SV2C: variants seen among roughly 807,000 people sequenced by gnomAD.
SV2C encodes the protein synaptic vesicle glycoprotein 2C, also known as solute carrier family 22 member B3.
SV2C carries 49 observed loss-of-function variants against 79.7 expected under a neutral mutation model. The ratio of observed to expected loss-of-function variants is 0.61; its 90% CI spans 0.49 to 0.78. SV2C has a LOEUF of 0.78. SV2C is among the 30% of genes least tolerant of loss of function. The pLI is 0.00. For synonymous variants in SV2C, 334 were observed against 333.2 expected, an observed-to-expected ratio of 1.00 and a Z score of -0.03; for missense variants, 833 against 912.9, an observed-to-expected ratio of 0.91 and a Z score of 1.13.
chr5:76,085,613 A>G (rs1392156476), intron 1 of SV2C, among the ~76,000 whole-genome samples: 1 of 152,176 alleles, frequency 6.6e-6, no homozygotes, highest in African/African-American at 2.4e-5. Context: ...GATGCTAGTC[A>G]CCATTTCCCC....
chr5:76,068,474 G>A, the SV2C span, among the ~76,000 whole-genome samples: 2 of 151,868 alleles, frequency 1.3e-5, no homozygotes, highest in South Asian at 4.2e-4. Context: ...TTGCATCTTC[G>A]TCCACACTTG....
At chr5:76,181,818 C>T (rs1029716680) in intron 2 of SV2C, among the ~76,000 whole-genome samples, 1 of 152,168 alleles carries the variant, frequency 6.6e-6, no homozygotes, top group Non-Finnish European at 1.5e-5. Flanking sequence ...TGATTGCTTT[C>T]CTTCCCCACG....
chr5:75,959,484 A>T, the SV2C span, among the ~76,000 whole-genome samples: 6 of 151,976 alleles, frequency 3.9e-5, no homozygotes, highest in Non-Finnish European at 8.8e-5. Flanking sequence ...GGAGTAGTGG[A>T]CATGGCATTG....
intron 2 of SV2C, among the ~76,000 whole-genome samples, chr5:76,171,687 G>A (rs1743267066): frequency 7.1e-6 from 1 of 140,196 alleles, no homozygotes; most frequent in African/African-American, 2.6e-5. Context: ...CGCCCGGCCA[G>A]CCGTGCCGTC....
the SV2C span, among the ~76,000 whole-genome samples, chr5:75,956,749 C>T: frequency 6.6e-6 from 1 of 151,840 alleles, no homozygotes; most frequent in Non-Finnish European, 1.5e-5. Flanking sequence ...ATGTGGATGT[C>T]CTTGAGAACA....
the SV2C span, among the ~76,000 whole-genome samples, chr5:75,942,502 A>G: frequency 6.6e-6 from 1 of 152,206 alleles, no homozygotes; most frequent in South Asian, 2.1e-4. Context: ...TGGGGTGTCC[A>G]GCACTGTGGA....
At chr5:76,256,206 C>G (rs1242401267) in intron 4 of SV2C, among the ~76,000 whole-genome samples, 2 of 152,122 alleles carry the variant, frequency 1.3e-5, no homozygotes, top group Non-Finnish European at 2.9e-5. Context: ...TATCTGTCCC[C>G]TGGGGGAGTA....
intron 2 of SV2C, among the ~76,000 whole-genome samples, chr5:76,165,733 G>A (rs777642905): frequency 6.6e-6 from 1 of 152,066 alleles, no homozygotes; most frequent in East Asian, 1.9e-4. Context: ...ATTGAGCTTG[G>A]ATTTGTTGGT....
the SV2C span, among the ~76,000 whole-genome samples, chr5:75,856,330 G>A: frequency 6.6e-6 from 1 of 152,110 alleles, no homozygotes; most frequent in African/African-American, 2.4e-5. Flanking sequence ...TTGCTGGATG[G>A]TAACTCAATT....
chr5:76,242,336 C>G, intron 4 of SV2C: 1 of 1,428,040 alleles, frequency 7.0e-7, no homozygotes, highest in South Asian at 1.2e-5. Flanking sequence ...GTGCTGGACG[C>G]GGGACGCAGC....
the SV2C span, among the ~76,000 whole-genome samples, chr5:76,002,983 G>A: frequency 6.6e-6 from 1 of 152,192 alleles, no homozygotes; most frequent in Non-Finnish European, 1.5e-5. Context: ...GTCATGGGAG[G>A]GGCCCGGTGG....
chr5:75,958,067 A>T, the SV2C span, among the ~76,000 whole-genome samples: 1 of 151,992 alleles, frequency 6.6e-6, no homozygotes, highest in African/African-American at 2.4e-5. Flanking sequence ...TGCTACAGGT[A>T]ACCTTGATGT....
the SV2C span, among the ~76,000 whole-genome samples, chr5:75,969,511 A>G: frequency 1.5e-3 from 232 of 152,354 alleles, no homozygotes; most frequent in African/African-American, 5.4e-3. Flanking sequence ...AAAAAAAGGC[A>G]GGCATTGCAA....
the SV2C span, among the ~76,000 whole-genome samples, chr5:76,051,112 T>C: frequency 6.6e-6 from 1 of 152,066 alleles, no homozygotes; most frequent in African/African-American, 2.4e-5. Context: ...ATAGAAAACA[T>C]TAACAAAAAT....
intron 2 of SV2C, among the ~76,000 whole-genome samples, chr5:76,150,101 G>A (rs1471033220): frequency 2.6e-5 from 4 of 152,116 alleles, no homozygotes; most frequent in South Asian, 2.1e-4. Context: ...CCTGCTGCAC[G>A]ATCACTTTAG....
At chr5:76,037,592 A>T in the SV2C span, among the ~76,000 whole-genome samples, 1 of 152,294 alleles carries the variant, frequency 6.6e-6, no homozygotes, top group Non-Finnish European at 1.5e-5. Flanking sequence ...TTGAGGAGGC[A>T]GTCTGCCCGT....
At chr5:76,265,339 G>A (rs1380729164) in intron 4 of SV2C, among the ~76,000 whole-genome samples, 3 of 152,178 alleles carry the variant, frequency 2.0e-5, no homozygotes, top group Admixed American at 1.3e-4. Flanking sequence ...ACTTCAGACA[G>A]CTGTGCTGGC....
At chr5:76,335,999 C>T (rs975338617), downstream of SV2C, among the ~76,000 whole-genome samples, 2 of 150,872 alleles carry the variant, frequency 1.3e-5, no homozygotes, top group East Asian at 2.0e-4. Context: ...TAGGGGCGGC[C>T]GGGCAGAGGC....
At chr5:75,907,283 A>G in the SV2C span, among the ~76,000 whole-genome samples, 1 of 152,154 alleles carries the variant, frequency 6.6e-6, no homozygotes, top group Non-Finnish European at 1.5e-5. Flanking sequence ...AATATTACTT[A>G]TTACTTAAAG....
Sources: allele counts gnomAD v4.1 joint callset (sites outside exome capture counted in the v4.1 genomes callset), GRCh38; gene constraint gnomAD v4.1.1; transcripts MANE v1.5; gene names NCBI Gene and HGNC (gene_info 2026-07-23, HGNC 2026-07-21).